The following GLRA3 variants were observed in gnomAD, a reference collection of about 807,000 sequenced individuals.
GLRA3 encodes the protein glycine receptor subunit alpha-3.
In GLRA3, 44 loss-of-function variants were observed where a neutral mutation model predicts 60.4. The observed-to-expected ratio is 0.73, with a 90% confidence interval of 0.57 to 0.94. The LOEUF (loss-of-function observed/expected upper bound fraction) is 0.94, where lower values mean the gene tolerates loss of function less well. GLRA3 is among the 40% of genes least tolerant of loss of function. GLRA3 has a pLI of 0.00. For synonymous variants in GLRA3, 223 were observed against 192.9 expected, an observed-to-expected ratio of 1.16 and a Z score of -1.29; for missense variants, 508 against 564.6, an observed-to-expected ratio of 0.90 and a Z score of 1.02.
intron 2 of GLRA3, among the ~76,000 whole-genome samples, chr4:174,786,313 CA>C (rs1739128426): frequency 6.6e-6 from 1 of 152,010 alleles, no homozygotes; most frequent in African/African-American, 2.4e-5. Context: ...TGAACTACCA[CA>C]GAGAAAAAAT....
At chr4:174,748,961 T>C (rs916108630) in intron 3 of GLRA3, among the ~76,000 whole-genome samples, 2 of 152,188 alleles carry the variant, frequency 1.3e-5, no homozygotes, top group Non-Finnish European at 2.9e-5. Context: ...GATCTGCTCA[T>C]TCTGAGTTTC....
intron 3 of GLRA3, among the ~76,000 whole-genome samples, chr4:174,748,278 G>A (rs975097215): frequency 5.9e-5 from 9 of 152,184 alleles, no homozygotes; most frequent in African/African-American, 2.2e-4. Flanking sequence ...CTGCAAAGAT[G>A]TCAAGAAAGT....
intron 6 of GLRA3, among the ~76,000 whole-genome samples, chr4:174,679,932 A>G (rs1044919635): frequency 6.6e-6 from 1 of 152,226 alleles, no homozygotes; most frequent in Non-Finnish European, 1.5e-5. Flanking sequence ...AGTGTTCAAT[A>G]GCATAATGGG....
chr4:174,813,927 C>A (rs931406816), intron 1 of GLRA3, among the ~76,000 whole-genome samples: 1 of 152,148 alleles, frequency 6.6e-6, no homozygotes, highest in Non-Finnish European at 1.5e-5. Flanking sequence ...AAGGGGTTAG[C>A]TCGTTTACTC....
intron 5 of GLRA3, among the ~76,000 whole-genome samples, chr4:174,699,763 GAATT>G (rs145473229): frequency 0.16 from 24,835 of 150,528 alleles, 2,609 homozygotes; most frequent in South Asian, 0.28. Context: ...TTATTTTAGA[GAATT>G]AATATTTGTT....
chr4:174,796,123 G>A (rs1317099427), intron 1 of GLRA3, among the ~76,000 whole-genome samples: 2 of 152,000 alleles, frequency 1.3e-5, no homozygotes, highest in African/African-American at 2.4e-5. Context: ...GAGGAGATTC[G>A]GTCATAAGGG....
chr4:174,787,386 T>C (rs1739164186), intron 2 of GLRA3, among the ~76,000 whole-genome samples: 1 of 152,132 alleles, frequency 6.6e-6, no homozygotes, highest in African/African-American at 2.4e-5. Flanking sequence ...CTGCATATTT[T>C]TGAAGATCAA....
chr4:174,783,025 A>C (rs559915430), intron 2 of GLRA3, among the ~76,000 whole-genome samples: 1 of 152,362 alleles, frequency 6.6e-6, no homozygotes, highest in African/African-American at 2.4e-5. Context: ...ATCCTAAGCC[A>C]AAAGAACAAA....
chr4:174,691,881 C>A (rs1178937264), intron 5 of GLRA3, among the ~76,000 whole-genome samples: 1 of 151,602 alleles, frequency 6.6e-6, no homozygotes, highest in Non-Finnish European at 1.5e-5. Flanking sequence ...AGCCCCTCTG[C>A]CTGGCTGCCC....
chr4:174,720,320 A>G (rs940585214), intron 4 of GLRA3, among the ~76,000 whole-genome samples: 24 of 152,146 alleles, frequency 1.6e-4, no homozygotes, highest in African/African-American at 5.6e-4. Context: ...TGGATTCTGT[A>G]AAAAAACAGA....
chr4:174,745,847 T>A (rs1418437012), intron 3 of GLRA3, among the ~76,000 whole-genome samples: 1 of 150,522 alleles, frequency 6.6e-6, no homozygotes, highest in Non-Finnish European at 1.5e-5. Context: ...AACATGAGTA[T>A]ACATTTCTCG....
chr4:174,726,055 C>A (rs997133658), intron 4 of GLRA3, among the ~76,000 whole-genome samples: 1 of 152,194 alleles, frequency 6.6e-6, no homozygotes, highest in Non-Finnish European at 1.5e-5. Context: ...GAGGCTCCGC[C>A]TTATTGCTGG....
At chr4:174,673,001 C>T (rs1277597928) in intron 7 of GLRA3, among the ~76,000 whole-genome samples, 1 of 151,762 alleles carries the variant, frequency 6.6e-6, no homozygotes, top group Non-Finnish European at 1.5e-5. Flanking sequence ...GTTTAAAAGA[C>T]TAAAATAAGG....
At chr4:174,808,169 C>G (rs1210763041) in intron 1 of GLRA3, among the ~76,000 whole-genome samples, 3 of 151,826 alleles carry the variant, frequency 2.0e-5, no homozygotes, top group South Asian at 4.2e-4. Flanking sequence ...CAGAAGAAAA[C>G]AAGTATGGAA....
intron 7 of GLRA3, among the ~76,000 whole-genome samples, chr4:174,663,930 G>C (rs76194996): frequency 0.028 from 4,254 of 152,176 alleles, 213 homozygotes; most frequent in African/African-American, 0.095. Flanking sequence ...CTGGAAGAAT[G>C]CCTCCTCGGT....
At chr4:174,670,308 C>A (rs1283187165) in intron 7 of GLRA3, among the ~76,000 whole-genome samples, 1 of 151,992 alleles carries the variant, frequency 6.6e-6, no homozygotes, top group South Asian at 2.1e-4. Flanking sequence ...AGTTCCTATT[C>A]CCTTTTCCTC....
At chr4:174,731,550 G>C (rs948636345) in intron 3 of GLRA3, among the ~76,000 whole-genome samples, 1 of 152,056 alleles carries the variant, frequency 6.6e-6, no homozygotes, top group Admixed American at 6.6e-5. Context: ...AAATATGATG[G>C]GTAAAATTTT....
chr4:174,766,199 G>A (rs1738137370), intron 3 of GLRA3, among the ~76,000 whole-genome samples: 1 of 151,752 alleles, frequency 6.6e-6, no homozygotes, highest in South Asian at 2.1e-4. Context: ...ACTTTGAGAA[G>A]TATCACAAAC....
intron 3 of GLRA3, among the ~76,000 whole-genome samples, chr4:174,742,850 G>A (rs79937711): frequency 0.086 from 13,075 of 152,188 alleles, 917 homozygotes; most frequent in East Asian, 0.39. Flanking sequence ...TAGGAGCAGA[G>A]TTGGTGGAGA....
Sources: gnomAD v4.1 joint callset for allele counts (sites outside exome capture counted in the v4.1 genomes callset) on GRCh38, gnomAD v4.1.1 for gene constraint, MANE v1.5 for transcripts, NCBI Gene and HGNC (gene_info 2026-07-23, HGNC 2026-07-21) for gene names.